Variants in FAM234B observed in about 807,000 individuals in gnomAD.
The protein encoded by FAM234B is family with sequence similarity 234 member B.
FAM234B carries 33 observed loss-of-function variants against 69.3 expected under a neutral mutation model. The observed-to-expected ratio is 0.48, with a 90% CI of 0.36 to 0.64. The LOEUF is 0.64. Among genes scored for constraint, FAM234B ranks in the 30% least tolerant of loss-of-function variants. The pLI is 0.00. For missense variants in FAM234B, 697 were observed against 769.7 expected (o/e 0.91, Z 1.12); for synonymous variants, 306 against 306.9 (o/e 1.00, Z 0.03).
In FAM234B at chr12:13,068,444, G is replaced by T. The variant is rs145986630; in HGVS notation, c.1283G>T (p.Arg428Leu). 3.4e-5 allele frequency: 55 copies of T among 1,613,850 alleles called. No homozygotes were observed. In the Middle Eastern group the frequency reaches 6.6e-4, roughly 19 times the overall value. ...TGGGCATTGAGACTTCAAGGCCTGC[G>T]CAGGTTTGCATTGTGTTCCTTCTTG... ...PYWALRLQGL[R>L]SQPTPGYFTD... The change falls in exon 8 of 13, where the codon CGC becomes CTC. Residue 428 changes from arginine (R) to leucine (L), a missense_variant. Transcript: ENST00000197268.
chr12:13,065,148 G>T (rs937633536), intron 5 of FAM234B, among the ~76,000 whole-genome samples: 1 of 152,168 alleles, frequency 6.6e-6, no homozygotes, highest in Admixed American at 6.5e-5. Flanking sequence ...AAAGAAATCT[G>T]CTTTCTCATA....
Position 13,068,375 on chromosome 12 carries a change from G to T in FAM234B, c.1214G>T (p.Arg405Ile). The change falls in exon 8 of 13, where the codon AGA becomes ATA. Residue 405 changes from arginine to isoleucine, a missense_variant. By Grantham distance (97) the Arg-to-Ile change is moderately conservative (BLOSUM62 -3). Transcript: ENST00000197268. ...TGCAGCAACCTTCTGATTACAACCA[G>T]ACAAAGCCTTGTGCTGCTTCGGGGG... is the stretch of plus-strand genomic sequence containing the variant. Reference protein sequence around the residue: ...SNCSNLLITTRQSLVLLRGQN... With the variant: ...SNCSNLLITTIQSLVLLRGQN... 6.2e-7 allele frequency: 1 copy of T among 1,614,202 alleles called. No homozygotes were observed. Among genetic ancestry groups the T allele is most frequent in the East Asian group, 2.2e-5 (1 of 44,878 alleles).
At chr12:13,070,189 ATATATATATAT>A (rs1477266210) in intron 9 of FAM234B, among the ~76,000 whole-genome samples, 1 of 91,472 alleles carries the variant, frequency 1.1e-5, no homozygotes, top group East Asian at 6.6e-4. Context: ...ATATATATAT[ATATATATATAT>A]ATATATATAT....
rs139792316 is a variant in FAM234B, at chr12:13,058,988, G to A, written c.532+439G>A. On this transcript the variant is annotated intron_variant, in intron 3 of 12. Transcript: ENST00000197268. ...ATCTTTACACAAATACCTCTTGGCC[G>A]GGTGTTTTCCTTTCCCCCTTCAGTT... 8.9e-4 allele frequency among the ~76,000 whole-genome samples: 135 copies of A among 152,300 alleles called. No homozygotes were observed. In the East Asian group the frequency reaches 0.022, roughly 25 times the overall value.
intron 11 of FAM234B, 100 bp from the exon 12 acceptor site, chr12:13,079,689 G>T: frequency 1.3e-6 from 1 of 740,960 alleles, no homozygotes; most frequent in South Asian, 1.7e-5. Context: ...TTTCCTGTAT[G>T]AACTTATGAG....
At chr12:13,077,893 A>C (rs1865179746) in intron 11 of FAM234B, among the ~76,000 whole-genome samples, 5 of 152,188 alleles carry the variant, frequency 3.3e-5, no homozygotes, top group Non-Finnish European at 7.3e-5. Context: ...CAACAGTGTA[A>C]AAGTATTCCT....
chr12:13,069,017 A>T (rs1031499336), intron 9 of FAM234B, among the ~76,000 whole-genome samples: 1 of 152,224 alleles, frequency 6.6e-6, no homozygotes, highest in Non-Finnish European at 1.5e-5. Context: ...GTATAAAGAA[A>T]TGTAATGCTT....
At position 13,068,339 on chromosome 12, in the gene FAM234B, C is replaced by A. The variant is rs910341742; in HGVS notation, c.1178C>A (p.Pro393Gln). 3.1e-6 allele frequency: 5 copies of A among 1,614,036 alleles called. No individual in the cohort carries two copies. In the African/African-American group the frequency reaches 6.7e-5, roughly 22 times the overall value. Reference sequence around the variant, plus strand: ...GAACTACTCCAGATGGTGAAGGCACCAGATTCCAACTGCAGCAACCTTCTG... The same window carrying A: ...GAACTACTCCAGATGGTGAAGGCACAAGATTCCAACTGCAGCAACCTTCTG... ...GVELLQMVKA[P>Q]DSNCSNLLIT... Residue 393 changes from proline (P) to glutamine (Q), a missense_variant, in exon 8 of 13, where the codon CCA becomes CAA. Physicochemically the swap from Pro to Gln is moderately conservative, Grantham distance 76. This residue lies in a region of FAM234B where 313 missense variants were observed against 305.5 expected (regional missense o/e 1.02). Coordinates refer to ENST00000197268, the MANE Select transcript of FAM234B (RefSeq NM_020853.2).
At chr12:13,048,402 C>G (rs1183931658) in intron 1 of FAM234B, among the ~76,000 whole-genome samples, 1 of 152,136 alleles carries the variant, frequency 6.6e-6, no homozygotes, top group African/African-American at 2.4e-5. Flanking sequence ...TCTTCTGAAT[C>G]AGTTTTTCTT....
chr12:13,080,722 A>G lies in FAM234B; in HGVS notation c.*92A>G. ...GTAAAATCAGTTCTATGGAGAGAAGACTTCTTCGTCCTCATTTACCACCTC... is the reference window on the plus strand; with the variant it reads ...GTAAAATCAGTTCTATGGAGAGAAGGCTTCTTCGTCCTCATTTACCACCTC... On this transcript the variant is annotated 3_prime_UTR_variant, in exon 13 of 13. Transcript: ENST00000197268. 1 of 1,127,080 alleles carries G rather than the reference A, an allele frequency of 8.9e-7. No individual in the cohort carries two copies. Among genetic ancestry groups the G allele is most frequent in the South Asian group, 1.3e-5 (1 of 75,480 alleles). 69.8% of individuals were successfully genotyped at this position (1,127,080 alleles called of 1,614,324 possible).
At chr12:13,078,810 G>T (rs1477909840) in intron 11 of FAM234B, among the ~76,000 whole-genome samples, 3 of 152,026 alleles carry the variant, frequency 2.0e-5, no homozygotes, top group Admixed American at 2.0e-4. Flanking sequence ...GAGAATAAAA[G>T]ACCTAGGAAT....
At chr12:13,071,521 A>C (rs1264070389) in intron 10 of FAM234B, 125 bp downstream of exon 10, 1 of 863,876 alleles carries the variant, frequency 1.2e-6, no homozygotes, top group Non-Finnish European at 1.8e-6. Context: ...GAAACAAGTC[A>C]GCACTCGCTG....
intron 2 of FAM234B, among the ~76,000 whole-genome samples, chr12:13,058,196 T>C (rs1014679237): frequency 6.6e-6 from 1 of 152,192 alleles, no homozygotes; most frequent in East Asian, 1.9e-4. Flanking sequence ...ACTCATCACC[T>C]TGTCATTCCT....
chr12:13,066,619 C>G (rs1347729670), intron 5 of FAM234B, 21 bp from the exon 6 acceptor site: 5 of 1,601,058 alleles, frequency 3.1e-6, no homozygotes, highest in Non-Finnish European at 3.4e-6. Flanking sequence ...TTGACTCCAC[C>G]CCCCTCTCTT....
chr12:13,072,985 T>G (rs932746534), intron 10 of FAM234B, among the ~76,000 whole-genome samples: 1 of 152,152 alleles, frequency 6.6e-6, no homozygotes, highest in Non-Finnish European at 1.5e-5. Context: ...TGCCTCATGA[T>G]TTCCCATTGA....
At chr12:13,078,196 A>T (rs1865183257) in intron 11 of FAM234B, among the ~76,000 whole-genome samples, 1 of 151,778 alleles carries the variant, frequency 6.6e-6, no homozygotes, top group African/African-American at 2.4e-5. Context: ...TAGGTTGCGA[A>T]AATTTTCTCC....
chr12:13,073,754 A>G (rs1318169163), intron 10 of FAM234B, among the ~76,000 whole-genome samples: 1 of 152,200 alleles, frequency 6.6e-6, no homozygotes, highest in Non-Finnish European at 1.5e-5. Flanking sequence ...AACTGAACCA[A>G]TTGAGGTGTC....
At chr12:13,068,513 A>G (rs1241880359) in intron 8 of FAM234B, 66 bp downstream of exon 8, 27 of 1,595,678 alleles carry the variant, frequency 1.7e-5, no homozygotes, top group Non-Finnish European at 2.2e-5. Flanking sequence ...AAAATTGTCC[A>G]GGACAATTGC....
chr12:13,045,907 A>G (rs1227439358), intron 1 of FAM234B, among the ~76,000 whole-genome samples: 1 of 151,872 alleles, frequency 6.6e-6, no homozygotes, highest in Non-Finnish European at 1.5e-5. Context: ...ATGAGAATGC[A>G]TGAAAATCTT....
Sources: gnomAD v4.1 joint callset for allele counts (sites outside exome capture counted in the v4.1 genomes callset) on GRCh38, gnomAD v4.1.1 for gene constraint, gnomAD v4.1.1 regional missense constraint, MANE v1.5 for transcripts, NCBI Gene and HGNC (gene_info 2026-07-23, HGNC 2026-07-21) for gene names.